RGS7: variants seen among roughly 807,000 people sequenced by gnomAD.
The protein encoded by RGS7 is regulator of G protein signaling 7.
Under a neutral mutation model 81.1 loss-of-function variants are expected in RGS7, and 27 were observed. That is an observed-to-expected ratio of 0.33 (90% CI 0.25 to 0.46). The LOEUF (loss-of-function observed/expected upper bound fraction) is 0.46, where lower values mean the gene tolerates loss of function less well. Ranked by LOEUF, RGS7 falls within the 20% of genes least tolerant of loss-of-function variation. The probability of loss-of-function intolerance (pLI) is 1.00; values close to 1 mark genes in which losing one functional copy is unlikely to be tolerated. For synonymous variants in RGS7, 208 were observed against 207.7 expected (o/e 1.00, Z -0.01); for missense variants, 396 against 607.4 (o/e 0.65, Z 3.66).
At chr1:240,938,724 A>AG (rs910757204) in intron 4 of RGS7, among the ~76,000 whole-genome samples, 1 of 152,002 alleles carries the variant, frequency 6.6e-6, no homozygotes, top group Non-Finnish European at 1.5e-5. Context: ...ACTGTTACTA[A>AG]CTGCTCCAGC....
intron 2 of RGS7, among the ~76,000 whole-genome samples, chr1:241,226,315 G>C (rs929102577): frequency 2.0e-5 from 3 of 151,882 alleles, no homozygotes; most frequent in Non-Finnish European, 4.4e-5. Flanking sequence ...GGTGTGCAAC[G>C]TTTGAGAGGA....
intron 2 of RGS7, among the ~76,000 whole-genome samples, chr1:241,123,734 A>G (rs1432646551): frequency 1.3e-5 from 2 of 152,112 alleles, no homozygotes; most frequent in Non-Finnish European, 2.9e-5. Flanking sequence ...CTGAGCAACG[A>G]GAGTGAAACT....
intron 2 of RGS7, among the ~76,000 whole-genome samples, chr1:241,255,325 G>T (rs1422712250): frequency 6.6e-6 from 1 of 152,204 alleles, no homozygotes; most frequent in African/African-American, 2.4e-5. Context: ...ATAGAAGAGA[G>T]ACTGGCATTA....
chr1:241,003,227 C>T (rs1313558710), intron 3 of RGS7, among the ~76,000 whole-genome samples: 1 of 151,864 alleles, frequency 6.6e-6, no homozygotes, highest in Non-Finnish European at 1.5e-5. Context: ...TTTGGGAGGC[C>T]AAGGCAGGCG....
At chr1:240,910,635 GC>G (rs1305602407) in intron 6 of RGS7, among the ~76,000 whole-genome samples, 16 of 152,244 alleles carry the variant, frequency 1.1e-4, no homozygotes, top group Admixed American at 3.9e-4. Flanking sequence ...TAATGAATAT[GC>G]TAATTACCCT....
intron 9 of RGS7, among the ~76,000 whole-genome samples, chr1:240,864,955 AT>A (rs71568972): frequency 0.074 from 10,713 of 145,634 alleles, 496 homozygotes; most frequent in Middle Eastern, 0.16. Context: ...TCCATATTCC[AT>A]TTTTTTTTTG....
chr1:241,223,109 G>A (rs1255418795), intron 2 of RGS7, among the ~76,000 whole-genome samples: 1 of 152,156 alleles, frequency 6.6e-6, no homozygotes, highest in Non-Finnish European at 1.5e-5. Context: ...CCATTTAGCA[G>A]GAGAACCTGC....
At chr1:240,842,884 C>T (rs1489194594) in intron 9 of RGS7, among the ~76,000 whole-genome samples, 1 of 151,450 alleles carries the variant, frequency 6.6e-6, no homozygotes, top group Admixed American at 6.6e-5. Context: ...AATATGTGGC[C>T]AAGCGTGGTG....
intron 2 of RGS7, among the ~76,000 whole-genome samples, chr1:241,191,548 G>T (rs930617117): frequency 1.3e-5 from 2 of 152,088 alleles, no homozygotes; most frequent in African/African-American, 2.4e-5. Flanking sequence ...TTATATTTAG[G>T]AGATACATCG....
chr1:240,928,671 C>T (rs891088013), intron 6 of RGS7, among the ~76,000 whole-genome samples: 4 of 148,094 alleles, frequency 2.7e-5, no homozygotes, highest in Admixed American at 6.8e-5. Context: ...TGCAGTAGCA[C>T]GATCTTGGCT....
At chr1:241,201,209 T>G (rs1331446423) in intron 2 of RGS7, among the ~76,000 whole-genome samples, 3 of 152,192 alleles carry the variant, frequency 2.0e-5, no homozygotes, top group African/African-American at 7.2e-5. Flanking sequence ...CTAATTCAGT[T>G]CATCTGCCTG....
At chr1:240,983,253 G>C (rs1685192224) in intron 3 of RGS7, 124 bp from the exon 4 acceptor site, 1 of 553,026 alleles carries the variant, frequency 1.8e-6, no homozygotes, top group Admixed American at 3.3e-5. Flanking sequence ...TACAATGACA[G>C]ATTAAGGATC....
chr1:241,355,714 C>T lies in RGS7; in HGVS notation c.63G>A (p.Met21Ile). The change falls in exon 2 of 19, where the codon ATG becomes ATA. Residue 21 changes from methionine to isoleucine, a missense_variant. Physicochemically the swap from Met to Ile is conservative, Grantham distance 10. Coordinates refer to ENST00000440928, the MANE Select transcript of RGS7 (RefSeq NM_001364886.1). ...SNGVADESPN[M>I]LVYRKMEDVI... The stretch of plus-strand genomic sequence containing the variant: ...ACATTCTTACCTTTCTGTACACCAG[C>T]ATGTTGGGTGATTCATCGGCCACCC... 1.2e-6 allele frequency: 2 copies of T among 1,614,102 alleles called. No homozygotes were observed. Among genetic ancestry groups the T allele is most frequent in the Non-Finnish European group, 1.7e-6 (2 of 1,179,950 alleles).
chr1:240,943,422 A>C (rs907034766), intron 4 of RGS7, among the ~76,000 whole-genome samples: 8 of 152,224 alleles, frequency 5.3e-5, no homozygotes, highest in Non-Finnish European at 8.8e-5. Context: ...AATGCACTTA[A>C]AACACAGTCT....
intron 2 of RGS7, among the ~76,000 whole-genome samples, chr1:241,203,441 A>C (rs2073663511): frequency 6.6e-6 from 1 of 152,046 alleles, no homozygotes; most frequent in Admixed American, 6.6e-5. Context: ...TGTGTTGGTC[A>C]GGATGGTCTC....
intron 2 of RGS7, among the ~76,000 whole-genome samples, chr1:241,321,416 C>T (rs1241142487): frequency 6.6e-6 from 1 of 152,146 alleles, no homozygotes; most frequent in Non-Finnish European, 1.5e-5. Context: ...GATTCAAACT[C>T]GATCCCCCTT....
chr1:240,809,243 G>A (rs550720740), intron 14 of RGS7, among the ~76,000 whole-genome samples: 1 of 152,288 alleles, frequency 6.6e-6, no homozygotes, highest in African/African-American at 2.4e-5. Flanking sequence ...CTATTAGGGA[G>A]AGCAGAGGGT....
In RGS7 at chr1:241,164,760, C is replaced by T. The variant is rs980911932; in HGVS notation, c.79-65998G>A. On this transcript the variant is annotated intron_variant, in intron 2 of 18. Transcript: ENST00000440928. The surrounding 1 kb of genome is among the most constrained non-coding windows in gnomAD (Gnocchi z 4.1). ...TACTCAGATTCTGCGCATGGGCCAC[C>T]GATTTGCAAGTGGCATGTGCTCATA... is the stretch of plus-strand genomic sequence containing the variant. 1.3e-5 allele frequency among the ~76,000 whole-genome samples: 2 copies of T among 152,180 alleles called. No homozygotes were observed. The highest frequency in any genetic ancestry group is 4.8e-5 in the African/African-American group (2 of 41,448).
At chr1:241,232,463 T>C (rs1380065374) in intron 2 of RGS7, among the ~76,000 whole-genome samples, 2 of 152,134 alleles carry the variant, frequency 1.3e-5, no homozygotes, top group Non-Finnish European at 2.9e-5. Context: ...TGTCTCAGCC[T>C]CACAAAGTGT....
Sources: allele counts gnomAD v4.1 joint callset (sites outside exome capture counted in the v4.1 genomes callset), GRCh38; gene constraint gnomAD v4.1.1; non-coding constraint Gnocchi (gnomAD v3.1); transcripts MANE v1.5; gene names NCBI Gene and HGNC (gene_info 2026-07-23, HGNC 2026-07-21).